WWOX: variants seen among roughly 807,000 people sequenced by gnomAD.
WWOX encodes WW domain-containing oxidoreductase.
In WWOX, 69 loss-of-function variants were observed where a neutral mutation model predicts 46.2. The ratio of observed to expected loss-of-function variants is 1.49; its 90% CI spans 1.23 to 1.82. WWOX has a LOEUF of 1.82. Among genes scored for constraint, WWOX ranks in the 40% most tolerant of loss-of-function variants. The probability of loss-of-function intolerance (pLI) is 0.00; values close to 1 mark genes in which losing one functional copy is unlikely to be tolerated. For synonymous variants in WWOX, 359 were observed against 202.6 expected (o/e 1.77, Z -6.56); for missense variants, 919 against 542.6 (o/e 1.69, Z -6.89).
intron 8 of WWOX, among the ~76,000 whole-genome samples, chr16:78,737,230 G>C (rs901188618): frequency 6.6e-6 from 1 of 151,810 alleles, no homozygotes; most frequent in Non-Finnish European, 1.5e-5. Context: ...CTTCTGAGTA[G>C]CTGGAATTAC....
At chr16:78,670,307 C>A (rs895127895) in intron 8 of WWOX, among the ~76,000 whole-genome samples, 1 of 152,136 alleles carries the variant, frequency 6.6e-6, no homozygotes, top group African/African-American at 2.4e-5. Context: ...TCTTTTCCGA[C>A]CCTCCCGTGA....
At chr16:79,024,107 G>A (rs1191482552) in intron 8 of WWOX, among the ~76,000 whole-genome samples, 1 of 152,222 alleles carries the variant, frequency 6.6e-6, no homozygotes. Flanking sequence ...GGAAAGAGGG[G>A]ACTAGAGAAT....
At chr16:78,893,098 C>G (rs868118966) in intron 8 of WWOX, among the ~76,000 whole-genome samples, 1 of 151,926 alleles carries the variant, frequency 6.6e-6, no homozygotes, top group African/African-American at 2.4e-5. Context: ...CTCCACCCTG[C>G]TGAGTAAACT....
chr16:78,176,520 C>T (rs558406305), intron 5 of WWOX, among the ~76,000 whole-genome samples: 3 of 152,290 alleles, frequency 2.0e-5, no homozygotes, highest in South Asian at 4.1e-4. Flanking sequence ...ACAATGCGTC[C>T]TGTAAACCGG....
chr16:78,824,841 G>A (rs2051604574), intron 8 of WWOX, among the ~76,000 whole-genome samples: 1 of 152,178 alleles, frequency 6.6e-6, no homozygotes, highest in Admixed American at 6.5e-5. Flanking sequence ...CACACCCAAA[G>A]CATATCAGGG....
intron 5 of WWOX, among the ~76,000 whole-genome samples, chr16:78,293,652 G>A (rs1160413933): frequency 2.0e-5 from 3 of 152,054 alleles, no homozygotes; most frequent in African/African-American, 7.2e-5. Flanking sequence ...CTTCATCCAA[G>A]CACAAAGAAA....
At chr16:78,657,339 G>T (rs1168964469) in intron 8 of WWOX, among the ~76,000 whole-genome samples, 1 of 152,102 alleles carries the variant, frequency 6.6e-6, no homozygotes, top group African/African-American at 2.4e-5. Context: ...GTGGGGGGAA[G>T]GGGACTTTCT....
At chr16:79,042,881 C>T (rs1401225732) in intron 8 of WWOX, among the ~76,000 whole-genome samples, 1 of 152,186 alleles carries the variant, frequency 6.6e-6, no homozygotes, top group African/African-American at 2.4e-5. Context: ...TTTATTGCTT[C>T]TATTCATGTG....
At chr16:79,143,508 C>G (rs892105296) in intron 8 of WWOX, among the ~76,000 whole-genome samples, 2 of 152,200 alleles carry the variant, frequency 1.3e-5, no homozygotes, top group East Asian at 1.9e-4. Flanking sequence ...CTAGGACAAA[C>G]CATTTGAGTG....
At chr16:78,498,442 C>T (rs558173549) in intron 8 of WWOX, among the ~76,000 whole-genome samples, 3 of 152,184 alleles carry the variant, frequency 2.0e-5, no homozygotes, top group African/African-American at 7.2e-5. Flanking sequence ...TTTTCTAAAC[C>T]ACACATGGCC....
chr16:78,958,186 G>A (rs1015732351), intron 8 of WWOX, among the ~76,000 whole-genome samples: 1 of 152,142 alleles, frequency 6.6e-6, no homozygotes, highest in African/African-American at 2.4e-5. Context: ...TTTTAAGACC[G>A]CCAGACTAGC....
intron 5 of WWOX, among the ~76,000 whole-genome samples, chr16:78,197,209 G>A (rs544522060): frequency 6.6e-6 from 1 of 152,280 alleles, no homozygotes; most frequent in African/African-American, 2.4e-5. Context: ...GCCAGGGTCC[G>A]TCAGCTGTCA....
intron 8 of WWOX, among the ~76,000 whole-genome samples, chr16:78,710,473 C>CATATAT (rs544025863): frequency 0.05 from 3,204 of 63,530 alleles, 266 homozygotes; most frequent in South Asian, 0.074. Flanking sequence ...TAATGGATCT[C>CATATAT]ATATATATAT....
chr16:78,590,766 T>C (rs1191464648), intron 8 of WWOX, among the ~76,000 whole-genome samples: 1 of 152,208 alleles, frequency 6.6e-6, no homozygotes, highest in Non-Finnish European at 1.5e-5. Flanking sequence ...CCAGGTCTAA[T>C]GGGCTTCATT....
intron 8 of WWOX, among the ~76,000 whole-genome samples, chr16:79,087,199 A>G (rs1222573663): frequency 6.6e-6 from 1 of 152,230 alleles, no homozygotes; most frequent in African/African-American, 2.4e-5. Context: ...CATGATTTCA[A>G]GCCCTTCACC....
chr16:79,159,476 T>C (rs1304291783), intron 8 of WWOX, among the ~76,000 whole-genome samples: 1 of 152,190 alleles, frequency 6.6e-6, no homozygotes, highest in Non-Finnish European at 1.5e-5. Context: ...TATCACACCT[T>C]CTACTGGGAG....
intron 4 of WWOX, among the ~76,000 whole-genome samples, chr16:78,163,330 G>T (rs2034859905): frequency 6.6e-6 from 1 of 152,190 alleles, no homozygotes; most frequent in Non-Finnish European, 1.5e-5. Flanking sequence ...TTCCACTCTT[G>T]TGAAGGCTGG....
At chr16:78,803,956 G>C (rs1388613921) in intron 8 of WWOX, among the ~76,000 whole-genome samples, 1 of 152,058 alleles carries the variant, frequency 6.6e-6, no homozygotes, top group African/African-American at 2.4e-5. Flanking sequence ...TCATGATCTT[G>C]GAAGAAGGAA....
chr16:79,014,969 C>T (rs77723870), intron 8 of WWOX, among the ~76,000 whole-genome samples: 1 of 152,134 alleles, frequency 6.6e-6, no homozygotes, highest in Non-Finnish European at 1.5e-5. Flanking sequence ...AGGATGTATC[C>T]ACTGGGCAAA....
Sources: allele counts gnomAD v4.1 joint callset (sites outside exome capture counted in the v4.1 genomes callset), GRCh38; gene constraint gnomAD v4.1.1; transcripts MANE v1.5; gene names NCBI Gene and HGNC (gene_info 2026-07-23, HGNC 2026-07-21).